Variants in LRRC37A2 observed in about 807,000 individuals in gnomAD.
The protein encoded by LRRC37A2 is leucine-rich repeat-containing protein 37A2.
A neutral mutation model predicts 68.8 loss-of-function variants in LRRC37A2; 9 were observed. The observed-to-expected ratio is 0.13, with a 90% CI of 0.08 to 0.23. The LOEUF (loss-of-function observed/expected upper bound fraction) is 0.23. LRRC37A2 is among the 10% of genes least tolerant of loss of function. The pLI is 1.00. For missense variants in LRRC37A2, 168 were observed against 950.4 expected (o/e 0.18, Z 10.82); for synonymous variants, 63 against 367.6 (o/e 0.17, Z 9.48).
chr17:46,941,021 A>T, the LRRC37A2 span: 2 of 1,108,000 alleles, frequency 1.8e-6, no homozygotes, highest in South Asian at 5.1e-5. Flanking sequence ...GGCGGGGGTG[A>T]ATTCTTAGGT....
chr17:46,941,223 A>AT, the LRRC37A2 span: 9 of 996,116 alleles, frequency 9.0e-6, no homozygotes, highest in African/African-American at 1.2e-4. Flanking sequence ...AGGAGTCTTG[A>AT]TTTTTTAGAC....
chr17:47,036,043 A>G, the LRRC37A2 span, among the ~76,000 whole-genome samples: 1 of 152,232 alleles, frequency 6.6e-6, no homozygotes, highest in Non-Finnish European at 1.5e-5. Context: ...AATTCTCTAT[A>G]TCTTCTGGAT....
chr17:46,745,562 C>T, the LRRC37A2 span, among the ~76,000 whole-genome samples: 4 of 152,288 alleles, frequency 2.6e-5, no homozygotes, highest in Non-Finnish European at 4.4e-5. Context: ...TTTAAAAGTC[C>T]GGCTTTCTGG....
At chr17:46,902,981 G>A in the LRRC37A2 span, among the ~76,000 whole-genome samples, 2 of 152,098 alleles carry the variant, frequency 1.3e-5, no homozygotes, top group Admixed American at 6.5e-5. Flanking sequence ...CTCCTTTCTC[G>A]AAAAAGGATT....
the LRRC37A2 span, among the ~76,000 whole-genome samples, chr17:46,723,155 T>TG: frequency 6.6e-6 from 1 of 152,186 alleles, no homozygotes; most frequent in African/African-American, 2.4e-5. Flanking sequence ...GTAAGGTCCT[T>TG]GCAGCCATAT....
the LRRC37A2 span, among the ~76,000 whole-genome samples, chr17:46,499,220 G>A: frequency 2.1e-5 from 3 of 140,616 alleles, no homozygotes; most frequent in African/African-American, 8.9e-5. Context: ...AGTGAGGCAG[G>A]CGAGTGGCTT....
the LRRC37A2 span, among the ~76,000 whole-genome samples, chr17:47,046,252 G>A: frequency 1.5e-5 from 2 of 131,938 alleles, no homozygotes; most frequent in African/African-American, 5.7e-5. Context: ...ACTGAATTTG[G>A]AGGATCCCTT....
At chr17:46,921,423 C>T in the LRRC37A2 span, among the ~76,000 whole-genome samples, 1 of 152,172 alleles carries the variant, frequency 6.6e-6, no homozygotes, top group Non-Finnish European at 1.5e-5. Flanking sequence ...TAGGCATGGG[C>T]AAGGACTTCA....
chr17:46,880,822 C>T, the LRRC37A2 span, among the ~76,000 whole-genome samples: 3 of 152,192 alleles, frequency 2.0e-5, no homozygotes, highest in African/African-American at 4.8e-5. Flanking sequence ...ATAATCCATC[C>T]TGGATTACAC....
downstream of LRRC37A2, among the ~76,000 whole-genome samples, chr17:46,558,410 G>C (rs1220853773): frequency 4.6e-5 from 5 of 108,132 alleles, no homozygotes; most frequent in Non-Finnish European, 7.3e-5. Context: ...GTTTGTTTTT[G>C]GAGACAGTCT....
chr17:46,985,519 CAAAA>C, the LRRC37A2 span, among the ~76,000 whole-genome samples: 1 of 111,398 alleles, frequency 9.0e-6, no homozygotes. Context: ...GATTCCATCT[CAAAA>C]AAAAAAAAAA....
At chr17:46,856,489 T>C in the LRRC37A2 span, among the ~76,000 whole-genome samples, 1 of 133,540 alleles carries the variant, frequency 7.5e-6, no homozygotes, top group African/African-American at 3.0e-5. Context: ...TTTTTCTTTC[T>C]TTTTTTTTTT....
the LRRC37A2 span, chr17:46,930,770 A>G: frequency 2.5e-5 from 6 of 237,484 alleles, no homozygotes; most frequent in Non-Finnish European, 4.1e-5. Flanking sequence ...GACCTATATC[A>G]GAAAATTTAG....
At chr17:46,784,777 CTTT>C in the LRRC37A2 span, among the ~76,000 whole-genome samples, 160 of 129,262 alleles carry the variant, frequency 1.2e-3, no homozygotes, top group Non-Finnish European at 1.4e-3. Flanking sequence ...TTTTGCTTTT[CTTT>C]TTTTTTTTTT....
chr17:46,858,843 T>C, the LRRC37A2 span, among the ~76,000 whole-genome samples: 3 of 152,116 alleles, frequency 2.0e-5, no homozygotes, highest in Non-Finnish European at 4.4e-5. Flanking sequence ...ATTTTTTATT[T>C]TTTTGTAGAG....
the LRRC37A2 span, among the ~76,000 whole-genome samples, chr17:46,786,202 AAG>A: frequency 2.6e-5 from 4 of 151,910 alleles, no homozygotes; most frequent in African/African-American, 4.8e-5. Flanking sequence ...GGGAGGAGGA[AAG>A]AGAGTGGAAA....
At chr17:47,000,077 A>AAT in the LRRC37A2 span, among the ~76,000 whole-genome samples, 7 of 5,116 alleles carry the variant, frequency 1.4e-3, 1 homozygote, top group South Asian at 0.032. Context: ...AATAAAATAA[A>AAT]AAATAAAATA....
the LRRC37A2 span, among the ~76,000 whole-genome samples, chr17:46,603,137 TAA>T: frequency 8.0e-6 from 1 of 125,074 alleles, no homozygotes; most frequent in Non-Finnish European, 1.7e-5. Context: ...AACTTAATTA[TAA>T]GTTAAATGAT....
At chr17:47,028,048 G>C in the LRRC37A2 span, among the ~76,000 whole-genome samples, 1 of 152,168 alleles carries the variant, frequency 6.6e-6, no homozygotes, top group Non-Finnish European at 1.5e-5. Context: ...GAGAAATAAA[G>C]ATCACTTAAC....
Sources: allele counts gnomAD v4.1 joint callset (sites outside exome capture counted in the v4.1 genomes callset), GRCh38; gene constraint gnomAD v4.1.1; transcripts MANE v1.5; gene names NCBI Gene and HGNC (gene_info 2026-07-23, HGNC 2026-07-21).